Variants in PDE6A observed in about 807,000 individuals in gnomAD.
PDE6A encodes the protein rod cGMP-specific 3',5'-cyclic phosphodiesterase subunit alpha.
Under a neutral mutation model 106.3 loss-of-function variants are expected in PDE6A, and 84 were observed. That is an observed-to-expected ratio of 0.79 (90% CI 0.66 to 0.95). The LOEUF is 0.95. Among genes scored for constraint, PDE6A ranks in the 40% least tolerant of loss-of-function variants. The pLI is 0.00. For synonymous variants in PDE6A, 394 were observed against 386.6 expected (o/e 1.02, Z -0.23); for missense variants, 1,052 against 1,084.9 (o/e 0.97, Z 0.43).
At chr5:149,869,369 A>G (rs1760453033) in intron 17 of PDE6A, among the ~76,000 whole-genome samples, 1 of 152,042 alleles carries the variant, frequency 6.6e-6, no homozygotes, top group African/African-American at 2.4e-5. Context: ...GGTGCAGGTA[A>G]AGAAAGTAGG....
chr5:149,900,168 A>G (rs539846905), intron 8 of PDE6A, among the ~76,000 whole-genome samples: 4 of 151,898 alleles, frequency 2.6e-5, no homozygotes, highest in South Asian at 2.1e-4. Flanking sequence ...AGCCTGAAGA[A>G]CATGGTAAAA....
intron 17 of PDE6A, among the ~76,000 whole-genome samples, chr5:149,869,712 A>G (rs905131002): frequency 6.6e-6 from 1 of 152,092 alleles, no homozygotes; most frequent in African/African-American, 2.4e-5. Flanking sequence ...CAGGACTAGT[A>G]GGATGGAGAA....
intron 1 of PDE6A, among the ~76,000 whole-genome samples, chr5:149,937,719 C>T (rs918779552): frequency 6.6e-6 from 1 of 152,154 alleles, no homozygotes. Context: ...TTCTCATTCC[C>T]AGATTCCTCA....
chr5:149,919,039 T>A (rs1753631536), intron 5 of PDE6A, among the ~76,000 whole-genome samples: 1 of 152,120 alleles, frequency 6.6e-6, no homozygotes, highest in African/African-American at 2.4e-5. Flanking sequence ...AGTTTCTGCC[T>A]GCGAGGGGGA....
At chr5:149,928,840 T>C (rs1042704310) in intron 4 of PDE6A, among the ~76,000 whole-genome samples, 2 of 152,180 alleles carry the variant, frequency 1.3e-5, no homozygotes, top group Non-Finnish European at 2.9e-5. Context: ...GAGGAGAAAC[T>C]TGAACAGTCA....
intron 17 of PDE6A, among the ~76,000 whole-genome samples, chr5:149,869,110 A>G (rs1253047547): frequency 6.6e-6 from 1 of 152,180 alleles, no homozygotes; most frequent in African/African-American, 2.4e-5. Flanking sequence ...TGGGCGGATC[A>G]CTTGCAGTCT....
intron 20 of PDE6A, among the ~76,000 whole-genome samples, chr5:149,864,180 G>T (rs1402073440): frequency 6.6e-6 from 1 of 152,148 alleles, no homozygotes; most frequent in African/African-American, 2.4e-5. Flanking sequence ...CCTAGCACAA[G>T]GTCTGGGACA....
intron 10 of PDE6A, 21 bp downstream of exon 10, chr5:149,898,342 C>A: frequency 6.2e-7 from 1 of 1,611,502 alleles, no homozygotes; most frequent in Non-Finnish European, 8.5e-7. Context: ...AGAGTAGAAA[C>A]AAGTAAAGAA....
At position 149,923,096 on chromosome 5, in the gene PDE6A, C is replaced by T. The variant is rs191845615; in HGVS notation, c.859-1387G>A. 9.2e-5 allele frequency among the ~76,000 whole-genome samples: 14 copies of T among 152,352 alleles called. No individual in the cohort carries two copies. The East Asian group carries it at 2.7e-3, about 29-fold the overall frequency. Reference sequence around the variant, plus strand: ...TTCCATGTTCAGCTATGAAAGCTCACTGGCCTTGCTGTGCAGCAGAGCTCT... The same window carrying T: ...TTCCATGTTCAGCTATGAAAGCTCATTGGCCTTGCTGTGCAGCAGAGCTCT... On this transcript the variant is annotated intron_variant, in intron 4 of 21. Coordinates refer to ENST00000255266, the MANE Select transcript of PDE6A (RefSeq NM_000440.3).
At chr5:149,878,167 G>T (rs1020853390) in intron 17 of PDE6A, among the ~76,000 whole-genome samples, 3 of 152,180 alleles carry the variant, frequency 2.0e-5, no homozygotes, top group Admixed American at 2.0e-4. Flanking sequence ...AGAAAATGCT[G>T]ATTCCCTTAA....
intron 3 of PDE6A, chr5:149,932,560 C>T: frequency 1.3e-6 from 2 of 1,484,640 alleles, no homozygotes; most frequent in Non-Finnish European, 1.9e-6. Flanking sequence ...AATCCCTGTT[C>T]CAGGTTGGCG....
At chr5:149,920,807 G>A (rs559867569) in intron 5 of PDE6A, among the ~76,000 whole-genome samples, 1 of 151,884 alleles carries the variant, frequency 6.6e-6, no homozygotes, top group East Asian at 1.9e-4. Context: ...GGCCAAGGTA[G>A]GAGGATCACT....
Position 149,859,282 on chromosome 5 carries a change from AC to A in PDE6A, c.*1612del, listed in dbSNP as rs1181658276. ...TTTTTCTAAAAACCAACAAAAAGAAACAACTAAATTCAATATGTGAATTTGT... is the reference window on the plus strand; with the variant it reads ...TTTTTCTAAAAACCAACAAAAAGAAAAACTAAATTCAATATGTGAATTTGT... On this transcript the variant is annotated 3_prime_UTR_variant, in exon 22 of 22. Transcript: ENST00000255266. 6.6e-6 allele frequency: 1 copy of A among 152,260 alleles called. No homozygotes were observed. The highest frequency in any genetic ancestry group is 1.5e-5 in the Non-Finnish European group (1 of 68,048). 9.4% of individuals were successfully genotyped at this position (152,260 alleles called of 1,614,324 possible). A position where few individuals can be genotyped will look rare whatever the true frequency, so the allele number is the denominator to read the frequency against.
chr5:149,878,226 G>T, intron 17 of PDE6A, among the ~76,000 whole-genome samples: 1 of 152,056 alleles, frequency 6.6e-6, no homozygotes, highest in East Asian at 1.9e-4. Flanking sequence ...TTCCCAGAGG[G>T]GTATGTGTGC....
intron 8 of PDE6A, among the ~76,000 whole-genome samples, chr5:149,901,100 G>C (rs541125953): frequency 6.6e-6 from 1 of 152,080 alleles, no homozygotes; most frequent in Non-Finnish European, 1.5e-5. Flanking sequence ...ATTTTTAGTA[G>C]AGACAGAGTT....
In PDE6A at chr5:149,931,188, T is replaced by C; in HGVS notation, c.718-20A>G. On this transcript the variant is annotated intron_variant, in intron 3 of 21. Transcript: ENST00000255266. Reference sequence around the variant, plus strand: ...CAGTATCTGAAAAAACACAAAAACATATTCATAGGTTTTGAGGTGCAAAGT... The same window carrying C: ...CAGTATCTGAAAAAACACAAAAACACATTCATAGGTTTTGAGGTGCAAAGT... The C allele has an allele frequency of 6.2e-7, 1 of 1,613,834 alleles. No individual in the cohort carries two copies. The highest frequency in any genetic ancestry group is 1.1e-5 in the South Asian group (1 of 91,066).
intron 17 of PDE6A, among the ~76,000 whole-genome samples, chr5:149,880,172 T>A (rs1228917791): frequency 2.0e-5 from 3 of 152,198 alleles, no homozygotes; most frequent in Non-Finnish European, 2.9e-5. Flanking sequence ...TCATAAGAAT[T>A]TTTCAATCAG....
chr5:149,881,115 G>A (rs1027419038), intron 17 of PDE6A, among the ~76,000 whole-genome samples: 6 of 152,150 alleles, frequency 3.9e-5, no homozygotes, highest in South Asian at 2.1e-4. Flanking sequence ...TGGTAAGGCT[G>A]TGGAGAAAAA....
intron 4 of PDE6A, among the ~76,000 whole-genome samples, chr5:149,927,813 T>C (rs1434373104): frequency 6.6e-6 from 1 of 151,914 alleles, no homozygotes; most frequent in African/African-American, 2.4e-5. Flanking sequence ...TCCTACAAGC[T>C]TTTTTTCTCT....
Sources: allele counts gnomAD v4.1 joint callset (sites outside exome capture counted in the v4.1 genomes callset), GRCh38; gene constraint gnomAD v4.1.1; transcripts MANE v1.5; gene names NCBI Gene and HGNC (gene_info 2026-07-23, HGNC 2026-07-21).